Variants in AMBRA1 observed in about 807,000 individuals in gnomAD.
AMBRA1 encodes the protein activating molecule in BECN1-regulated autophagy protein 1.
A neutral mutation model predicts 125.4 loss-of-function variants in AMBRA1; 47 were observed. The ratio of observed to expected loss-of-function variants is 0.37; its 90% CI spans 0.30 to 0.48. The LOEUF (loss-of-function observed/expected upper bound fraction) is 0.48, where lower values mean the gene tolerates loss of function less well. Among genes scored for constraint, AMBRA1 ranks in the 20% least tolerant of loss-of-function variants. The pLI is 0.99. For synonymous variants in AMBRA1, 626 were observed against 655.5 expected, an observed-to-expected ratio of 0.95 and a Z score of 0.69; for missense variants, 1,331 against 1,693.4, an observed-to-expected ratio of 0.79 and a Z score of 3.76.
intron 1 of AMBRA1, among the ~76,000 whole-genome samples, chr11:46,587,487 G>A (rs1384935495): frequency 6.6e-6 from 1 of 152,078 alleles, no homozygotes; most frequent in Non-Finnish European, 1.5e-5. Flanking sequence ...TTAAATATCA[G>A]ACACATATTA....
At chr11:46,445,384 G>A (rs57416658) in intron 11 of AMBRA1, among the ~76,000 whole-genome samples, 1,775 of 152,194 alleles carry the variant, frequency 0.012, 42 homozygotes, top group African/African-American at 0.041. Context: ...CTGTCAGTGA[G>A]TCCACTGACC....
intron 14 of AMBRA1, among the ~76,000 whole-genome samples, chr11:46,425,692 T>C (rs559155968): frequency 6.0e-5 from 9 of 151,120 alleles, no homozygotes; most frequent in Admixed American, 5.3e-4. Context: ...ATACAGAAAT[T>C]AGCCGGGGTG....
chr11:46,592,755 TAAAAAAA>T (rs919779590), intron 1 of AMBRA1, among the ~76,000 whole-genome samples: 1 of 143,164 alleles, frequency 7.0e-6, no homozygotes, highest in Non-Finnish European at 1.5e-5. Context: ...TAGCCTGTCT[TAAAAAAA>T]AAAAAGAAAA....
At chr11:46,479,880 G>GA (rs1299626197) in intron 11 of AMBRA1, among the ~76,000 whole-genome samples, 2 of 152,102 alleles carry the variant, frequency 1.3e-5, no homozygotes, top group Non-Finnish European at 2.9e-5. Context: ...GCTTAAACAA[G>GA]ACAAATTTAT....
At chr11:46,401,652 C>T (rs961141297) in intron 17 of AMBRA1, among the ~76,000 whole-genome samples, 2 of 152,214 alleles carry the variant, frequency 1.3e-5, no homozygotes, top group Non-Finnish European at 2.9e-5. Context: ...TGCGGGAGGC[C>T]CTGCTGCTGG....
intron 12 of AMBRA1, among the ~76,000 whole-genome samples, 177 bp downstream of exon 12, chr11:46,443,311 G>T (rs190980302): frequency 2.6e-5 from 4 of 152,192 alleles, no homozygotes; most frequent in Admixed American, 2.6e-4. Flanking sequence ...TGTATGGTAT[G>T]GTTGATATCT....
chr11:46,446,614 C>T (rs973774080), intron 11 of AMBRA1, among the ~76,000 whole-genome samples: 6 of 152,130 alleles, frequency 3.9e-5, no homozygotes, highest in African/African-American at 7.2e-5. Context: ...TCTTGTGCAT[C>T]GCAGAACATT....
chr11:46,474,491 C>T (rs1295205188), intron 11 of AMBRA1, among the ~76,000 whole-genome samples: 6 of 152,028 alleles, frequency 3.9e-5, no homozygotes, highest in Non-Finnish European at 8.8e-5. Flanking sequence ...CAGGTTCAAG[C>T]GATTCTCCTG....
chr11:46,588,794 GTAT>G (rs2044493873), intron 1 of AMBRA1, among the ~76,000 whole-genome samples: 1 of 145,968 alleles, frequency 6.9e-6, no homozygotes, highest in Non-Finnish European at 1.5e-5. Context: ...AAAAAAAAAA[GTAT>G]TATGATGGAT....
At chr11:46,557,548 C>A (rs958936748) in intron 1 of AMBRA1, among the ~76,000 whole-genome samples, 13 of 150,938 alleles carry the variant, frequency 8.6e-5, no homozygotes, top group African/African-American at 3.1e-4. Flanking sequence ...TGGCTCACAC[C>A]TGTAATCCCT....
At chr11:46,521,583 T>C (rs1014785498) in intron 7 of AMBRA1, among the ~76,000 whole-genome samples, 1 of 152,272 alleles carries the variant, frequency 6.6e-6, no homozygotes, top group African/African-American at 2.4e-5. Context: ...AAAATAATTG[T>C]GTGTTCTGAA....
chr11:46,397,721 G>A lies in AMBRA1; in HGVS notation c.3626C>T (p.Ser1209Phe). ...GAAHTSSPQP[S>F]TSRGLLPEAG... Reference sequence around the variant, plus strand: ...CTCTGGGAGCAGTCCCCGAGAGGTGGAGGGCTGGGGTGAGGAGGTGTGGGC... The same window carrying A: ...CTCTGGGAGCAGTCCCCGAGAGGTGAAGGGCTGGGGTGAGGAGGTGTGGGC... The change falls in exon 18 of 18, where the codon TCC (serine) becomes TTC (phenylalanine). Residue 1209 changes from serine to phenylalanine, a missense_variant. Physicochemically the swap from Ser to Phe is radical, Grantham distance 155. This residue lies in a region of AMBRA1 where 144 missense variants were observed against 133.9 expected (regional missense o/e 1.08). Coordinates refer to ENST00000683756, the MANE Select transcript of AMBRA1 (RefSeq NM_001387011.1). 6.2e-7 allele frequency: 1 copy of A among 1,613,210 alleles called. No individual in the cohort carries two copies. The highest frequency in any genetic ancestry group is 8.5e-7 in the Non-Finnish European group (1 of 1,179,896).
intron 1 of AMBRA1, among the ~76,000 whole-genome samples, chr11:46,575,262 G>A (rs754832450): frequency 8.6e-5 from 13 of 151,890 alleles, no homozygotes; most frequent in South Asian, 2.1e-4. Context: ...GTTCGAGATC[G>A]GCCTGACCAA....
intron 1 of AMBRA1, among the ~76,000 whole-genome samples, chr11:46,580,005 G>A (rs1008642197): frequency 1.3e-5 from 2 of 152,114 alleles, no homozygotes; most frequent in Admixed American, 6.5e-5. Flanking sequence ...GAGTCACCAC[G>A]CCCAGCCTAC....
At chr11:46,576,029 A>G (rs1283514489) in intron 1 of AMBRA1, among the ~76,000 whole-genome samples, 1 of 152,088 alleles carries the variant, frequency 6.6e-6, no homozygotes, top group Non-Finnish European at 1.5e-5. Flanking sequence ...AGCCCAGTCA[A>G]CTCTCAAATC....
At chr11:46,427,414 TAGTA>T (rs1472433097) in intron 14 of AMBRA1, among the ~76,000 whole-genome samples, 1 of 152,174 alleles carries the variant, frequency 6.6e-6, no homozygotes, top group Non-Finnish European at 1.5e-5. Flanking sequence ...TTTTCAGAGA[TAGTA>T]AGAGACAGAG....
chr11:46,442,408 G>A (rs1026660856), intron 12 of AMBRA1, among the ~76,000 whole-genome samples: 1 of 151,986 alleles, frequency 6.6e-6, no homozygotes, highest in African/African-American at 2.4e-5. Context: ...CTCCTAAAGT[G>A]CTGAGATTAC....
chr11:46,555,326 T>C (rs576243677), intron 1 of AMBRA1, among the ~76,000 whole-genome samples: 1 of 152,330 alleles, frequency 6.6e-6, no homozygotes, highest in East Asian at 1.9e-4. Context: ...GCAATCTGAT[T>C]ATCTTATGCC....
intron 7 of AMBRA1, among the ~76,000 whole-genome samples, chr11:46,520,480 A>C (rs1009534597): frequency 2.0e-5 from 3 of 152,044 alleles, no homozygotes; most frequent in African/African-American, 7.2e-5. Flanking sequence ...TTCTTTCTGG[A>C]AAGTTCCTCT....
Sources: gnomAD v4.1 joint callset for allele counts (sites outside exome capture counted in the v4.1 genomes callset) on GRCh38, gnomAD v4.1.1 for gene constraint, gnomAD v4.1.1 regional missense constraint, MANE v1.5 for transcripts, NCBI Gene and HGNC (gene_info 2026-07-23, HGNC 2026-07-21) for gene names.